EIF2AK4: variants seen among roughly 807,000 people sequenced by gnomAD.
EIF2AK4 encodes the protein eukaryotic translation initiation factor 2 alpha kinase 4, also known as eIF-2-alpha kinase GCN2.
In EIF2AK4, 139 loss-of-function variants were observed where a neutral mutation model predicts 211.1. That is an observed-to-expected ratio of 0.66 (90% CI 0.57 to 0.76). The LOEUF (loss-of-function observed/expected upper bound fraction) is 0.76. EIF2AK4 is among the 30% of genes least tolerant of loss of function. The pLI is 0.00. For missense variants in EIF2AK4, 1,664 were observed against 2,043.8 expected, an observed-to-expected ratio of 0.81 and a Z score of 3.58; for synonymous variants, 710 against 751.3, an observed-to-expected ratio of 0.94 and a Z score of 0.90.
intron 1 of EIF2AK4, among the ~76,000 whole-genome samples, chr15:39,937,619 CCT>C (rs2034085027): frequency 6.6e-6 from 1 of 151,686 alleles, no homozygotes; most frequent in African/African-American, 2.4e-5. Flanking sequence ...TTTTTTTCCC[CCT>C]CTGTTCCAAT....
intron 9 of EIF2AK4, among the ~76,000 whole-genome samples, chr15:39,971,977 T>G (rs1489549420): frequency 6.6e-6 from 1 of 152,176 alleles, no homozygotes. Context: ...AAGGTATGGC[T>G]TGTTTTTCTT....
chr15:39,980,292 TC>T (rs1197264407), intron 13 of EIF2AK4, among the ~76,000 whole-genome samples: 2 of 152,172 alleles, frequency 1.3e-5, no homozygotes, highest in African/African-American at 4.8e-5. Flanking sequence ...TAAAGAAAAT[TC>T]TTCAGAAAAA....
chr15:39,991,836 T>A (rs762647231), intron 16 of EIF2AK4: 1 of 176,606 alleles, frequency 5.7e-6, no homozygotes, highest in African/African-American at 2.4e-5. Flanking sequence ...AAGATGAATT[T>A]GTTGTTTTTA....
At chr15:39,995,417 C>T (rs553276052) in intron 18 of EIF2AK4, among the ~76,000 whole-genome samples, 1 of 149,840 alleles carries the variant, frequency 6.7e-6, no homozygotes, top group African/African-American at 2.4e-5. Context: ...GAAAGCGGCT[C>T]TACACCCTGC....
intron 30 of EIF2AK4, 145 bp from the exon 31 acceptor site, chr15:40,020,754 C>G: frequency 1.8e-6 from 1 of 568,178 alleles, no homozygotes; most frequent in Non-Finnish European, 2.7e-6. Flanking sequence ...TGTTTTGAAG[C>G]AAAGTCTTTG....
At chr15:39,976,369 T>G (rs2034691841) in intron 11 of EIF2AK4, 45 bp from the exon 12 acceptor site, 1 of 1,533,788 alleles carries the variant, frequency 6.5e-7, no homozygotes, top group African/African-American at 1.4e-5. Flanking sequence ...AATGCCTGTT[T>G]GTGCAAGGCT....
chr15:39,951,516 A>G, intron 4 of EIF2AK4: 1 of 394,886 alleles, frequency 2.5e-6, no homozygotes. Context: ...AAGCACCAAT[A>G]GCTGCACTCT....
At chr15:40,031,249 TA>T (rs1316452947) in intron 35 of EIF2AK4, among the ~76,000 whole-genome samples, 1 of 152,024 alleles carries the variant, frequency 6.6e-6, no homozygotes, top group African/African-American at 2.4e-5. Context: ...CAAAATAAAA[TA>T]ACTACAGTAG....
chr15:39,934,302 C>T lies in EIF2AK4; in HGVS notation c.107C>T (p.Ala36Val), dbSNP rs773452712. The T allele has an allele frequency of 5.0e-6, 8 of 1,612,038 alleles. No individual in the cohort carries two copies. The South Asian group carries it at 6.6e-5, about 13-fold the overall frequency. Reference protein sequence around the residue: ...ELQALEAIYGADFQDLRPDAC... With the variant: ...ELQALEAIYGVDFQDLRPDAC... ...CAGGCCCTGGAGGCCATTTACGGCG[C>T]GGACTTCCAAGACCTGCGGCCGGAC... The change falls in exon 1 of 39, where the codon GCG becomes GTG. Residue 36 changes from alanine to valine, a missense_variant. By Grantham distance (64) the Ala-to-Val change is moderately conservative. Transcript: ENST00000263791.
Position 40,019,139 on chromosome 15 carries a change from C to T in EIF2AK4, c.4112C>T (p.Ala1371Val). The T allele has an allele frequency of 1.2e-6, 2 of 1,607,918 alleles. No homozygotes were observed. Among genetic ancestry groups the T allele is most frequent in the Non-Finnish European group, 1.7e-6 (2 of 1,177,048 alleles). The change falls in exon 30 of 39, where the codon GCC (alanine) becomes GTC (valine). Residue 1371 changes from alanine (A) to valine (V), a missense_variant. Coordinates refer to ENST00000263791, the MANE Select transcript of EIF2AK4 (RefSeq NM_001013703.4). Reference protein sequence around the residue: ...GPQALGPVPTAIGVSIAIDKI... With the variant: ...GPQALGPVPTVIGVSIAIDKI... Reference sequence around the variant, plus strand: ...CAAGCTCTGGGGCCAGTTCCCACTGCCATTGGGGTCAGCATAGCTATAGAC... The same window carrying T: ...CAAGCTCTGGGGCCAGTTCCCACTGTCATTGGGGTCAGCATAGCTATAGAC...
At position 39,997,038 on chromosome 15, in the gene EIF2AK4, G is replaced by C; in HGVS notation, c.2841G>C (p.Arg947Ser). ...ACCCCATGGTCACGGCTTCAGAAAG[G>C]ATCTTTGTTCTCAACCAACTCAGAG... ...SYHPMVTASE[R>S]IFVLNQLRDP... Residue 947 changes from arginine to serine, a missense_variant, in exon 19 of 39, where the codon AGG (arginine) becomes AGC (serine). By Grantham distance (110) the Arg-to-Ser change is moderately radical. Coordinates refer to ENST00000263791, the MANE Select transcript of EIF2AK4 (RefSeq NM_001013703.4). 1.2e-6 allele frequency: 2 copies of C among 1,613,864 alleles called. No individual in the cohort carries two copies. Among genetic ancestry groups the C allele is most frequent in the Middle Eastern group, 1.7e-4 (1 of 6,060 alleles).
At chr15:40,018,418 G>A (rs754292404) in intron 29 of EIF2AK4, among the ~76,000 whole-genome samples, 1 of 151,538 alleles carries the variant, frequency 6.6e-6, no homozygotes, top group Non-Finnish European at 1.5e-5. Context: ...TGCGAATTTG[G>A]AGGATTTTTT....
intron 9 of EIF2AK4, among the ~76,000 whole-genome samples, chr15:39,972,692 G>T (rs1449320104): frequency 6.6e-6 from 1 of 151,616 alleles, no homozygotes; most frequent in Non-Finnish European, 1.5e-5. Flanking sequence ...GCCTTTTTTT[G>T]ATTCGCCTCT....
chr15:39,973,505 C>G, intron 10 of EIF2AK4, 87 bp from the exon 11 acceptor site: 1 of 1,382,698 alleles, frequency 7.2e-7, no homozygotes. Flanking sequence ...TGGAGCTCTT[C>G]TTCCAGGGCT....
chr15:39,949,410 G>A (rs2034276265), intron 4 of EIF2AK4, 142 bp downstream of exon 4: 2 of 1,263,876 alleles, frequency 1.6e-6, no homozygotes, highest in Non-Finnish European at 2.1e-6. Context: ...ACATGTGAGA[G>A]TATGAAAAAT....
At chr15:39,940,336 G>A (rs776567518) in intron 2 of EIF2AK4, among the ~76,000 whole-genome samples, 1 of 152,196 alleles carries the variant, frequency 6.6e-6, no homozygotes, top group Non-Finnish European at 1.5e-5. Flanking sequence ...AAGGCAGGTT[G>A]GCCTGGATGG....
intron 5 of EIF2AK4, 150 bp downstream of exon 5, chr15:39,954,134 A>T (rs1358973274): frequency 1.2e-5 from 8 of 659,372 alleles, no homozygotes; most frequent in Non-Finnish European, 1.8e-5. Flanking sequence ...CAGACTCCCT[A>T]AATAGGTGGC....
At chr15:39,944,073 T>G (rs1279743326) in intron 3 of EIF2AK4, among the ~76,000 whole-genome samples, 4 of 152,360 alleles carry the variant, frequency 2.6e-5, no homozygotes, top group African/African-American at 9.6e-5. Flanking sequence ...TTGGAAAATG[T>G]GGGCAGACAA....
At chr15:39,946,588 GC>G in intron 3 of EIF2AK4, 1 of 701,844 alleles carries the variant, frequency 1.4e-6, no homozygotes, top group Non-Finnish European at 2.6e-6. Flanking sequence ...TTTTGAAGCA[GC>G]AGCAGGGTTG....
Sources: gnomAD v4.1 joint callset for allele counts (sites outside exome capture counted in the v4.1 genomes callset) on GRCh38, gnomAD v4.1.1 for gene constraint, MANE v1.5 for transcripts, NCBI Gene and HGNC (gene_info 2026-07-23, HGNC 2026-07-21) for gene names.